Variants in COL4A1 observed in about 807,000 individuals in gnomAD.
The protein encoded by COL4A1 is collagen type IV alpha 1 chain.
A neutral mutation model predicts 216.6 loss-of-function variants in COL4A1; 40 were observed. That is an observed-to-expected ratio of 0.18 (90% CI 0.14 to 0.24). COL4A1 has a LOEUF of 0.24. Among genes scored for constraint, COL4A1 ranks in the 10% least tolerant of loss-of-function variants. COL4A1 has a pLI of 1.00. For missense variants in COL4A1, 1,628 were observed against 2,196.8 expected (o/e 0.74, Z 5.18); for synonymous variants, 839 against 810.7 (o/e 1.03, Z -0.59).
intron 45 of COL4A1, 45 bp from the exon 46 acceptor site, chr13:110,165,035 C>T: frequency 6.3e-7 from 1 of 1,581,652 alleles, no homozygotes; most frequent in Non-Finnish European, 8.6e-7. Flanking sequence ...TGTCCACATA[C>T]TGGGGCGGAA....
intron 2 of COL4A1, among the ~76,000 whole-genome samples, chr13:110,241,209 G>T (rs1881552976): frequency 6.6e-6 from 1 of 152,154 alleles, no homozygotes; most frequent in South Asian, 2.1e-4. Context: ...GATAGAATAA[G>T]AAAGTATGTA....
intron 17 of COL4A1, among the ~76,000 whole-genome samples, chr13:110,204,290 G>A (rs1245308308): frequency 1.3e-5 from 2 of 152,104 alleles, no homozygotes; most frequent in African/African-American, 2.4e-5. Context: ...CAGTAAACAA[G>A]AATTGAATGT....
In COL4A1 at chr13:110,149,984, G is replaced by T. The variant is rs1872841986; in HGVS notation, c.*379C>A. Reference sequence around the variant, plus strand: ...TATAAACAAACATTTATCTCTGGGGGTAGAAAATTAATTATAATACAAGAA... The same window carrying T: ...TATAAACAAACATTTATCTCTGGGGTTAGAAAATTAATTATAATACAAGAA... On this transcript the variant is annotated 3_prime_UTR_variant, in exon 52 of 52. Transcript: ENST00000375820. The T allele has an allele frequency of 3.0e-6, 1 of 334,546 alleles. No homozygotes were observed. The highest frequency in any genetic ancestry group is 5.8e-6 in the Non-Finnish European group (1 of 171,414). The allele number at this position is 334,546 out of a possible 1,614,324, so 20.7% of individuals were successfully genotyped here. A position where few individuals can be genotyped will look rare whatever the true frequency, so the allele number is the denominator to read the frequency against.
At chr13:110,300,514 A>G (rs1884451902) in intron 1 of COL4A1, among the ~76,000 whole-genome samples, 1 of 152,258 alleles carries the variant, frequency 6.6e-6, no homozygotes, top group African/African-American at 2.4e-5. Flanking sequence ...TGTCCAATAC[A>G]GGAATAGTGT....
At chr13:110,245,914 G>T (rs920187302) in intron 1 of COL4A1, among the ~76,000 whole-genome samples, 1 of 151,978 alleles carries the variant, frequency 6.6e-6, no homozygotes, top group Non-Finnish European at 1.5e-5. Flanking sequence ...CCCCGACCCC[G>T]GCCTTCCCCC....
chr13:110,204,549 A>G (rs1021482694), intron 17 of COL4A1, among the ~76,000 whole-genome samples: 8 of 152,084 alleles, frequency 5.3e-5, no homozygotes, highest in African/African-American at 1.9e-4. Flanking sequence ...CTCTTATATT[A>G]GTAAAGACTT....
chr13:110,248,142 T>C (rs1881911768), intron 1 of COL4A1, among the ~76,000 whole-genome samples: 1 of 152,188 alleles, frequency 6.6e-6, no homozygotes. Context: ...ACTTTCCTGG[T>C]GATACTGCCG....
At chr13:110,235,175 C>A (rs964791106) in intron 2 of COL4A1, among the ~76,000 whole-genome samples, 1 of 152,066 alleles carries the variant, frequency 6.6e-6, no homozygotes, top group African/African-American at 2.4e-5. Context: ...AATAACTCAC[C>A]ATTATTAGTT....
chr13:110,242,706 T>C lies in COL4A1; in HGVS notation c.113A>G (p.Lys38Arg), dbSNP rs376515379. ...KGGCAGSGCG[K>R]CDCHGVKGQK... ...TCCCTTCACTCCATGGCAGTCACAT[T>C]TGCCACAGCCAGAGCCAGCACAGCC... The change falls in exon 2 of 52, where the codon AAA (lysine) becomes AGA (arginine). Residue 38 changes from lysine to arginine, a missense_variant. Around this residue, in one of 8 missense-constraint regions of COL4A1, gnomAD observed 74 missense variants for 61.7 expected, o/e 1.20. Coordinates refer to ENST00000375820, the MANE Select transcript of COL4A1 (RefSeq NM_001845.6). 1.2e-6 allele frequency: 2 copies of C among 1,614,252 alleles called. No homozygotes were observed. Among genetic ancestry groups the C allele is most frequent in the South Asian group, 2.2e-5 (2 of 91,090 alleles).
At chr13:110,267,227 A>G (rs1225494092) in intron 1 of COL4A1, among the ~76,000 whole-genome samples, 2 of 152,192 alleles carry the variant, frequency 1.3e-5, no homozygotes, top group Admixed American at 6.5e-5. Context: ...AGGACCTCGC[A>G]CTATCTGGTG....
intron 2 of COL4A1, among the ~76,000 whole-genome samples, chr13:110,230,098 G>A (rs1284582214): frequency 2.0e-5 from 3 of 146,654 alleles, no homozygotes; most frequent in South Asian, 2.2e-4. Flanking sequence ...ACAGGTGGAC[G>A]AGGAGGGCTC....
chr13:110,243,027 A>T (rs956472884), intron 1 of COL4A1, among the ~76,000 whole-genome samples: 1 of 152,226 alleles, frequency 6.6e-6, no homozygotes, highest in Admixed American at 6.5e-5. Context: ...GTTAATTTCT[A>T]TTTGAAGTTG....
chr13:110,204,677 A>C (rs1879407207), intron 17 of COL4A1, among the ~76,000 whole-genome samples: 1 of 145,574 alleles, frequency 6.9e-6, no homozygotes, highest in South Asian at 2.2e-4. Flanking sequence ...TAGTTCCCCA[A>C]CTAAAAGGGC....
chr13:110,270,873 C>A (rs1465423986), intron 1 of COL4A1, among the ~76,000 whole-genome samples: 1 of 152,070 alleles, frequency 6.6e-6, no homozygotes, highest in Non-Finnish European at 1.5e-5. Flanking sequence ...TAGAAGGGTC[C>A]AGAAGTCTTA....
At chr13:110,267,815 C>T (rs1321266881) in intron 1 of COL4A1, among the ~76,000 whole-genome samples, 4 of 152,076 alleles carry the variant, frequency 2.6e-5, no homozygotes, top group African/African-American at 4.8e-5. Context: ...TAATTTAAAA[C>T]ACAGTCCTGT....
At chr13:110,253,358 GTATTACATATACATATAATTATAT>G (rs1882303845) in intron 1 of COL4A1, among the ~76,000 whole-genome samples, 3 of 36,320 alleles carry the variant, frequency 8.3e-5, no homozygotes, top group African/African-American at 1.1e-4. Flanking sequence ...ATAATTATAT[GTATTACATATACATATAATTATAT>G]GTATTACATA....
chr13:110,246,413 T>C (rs9521667), intron 1 of COL4A1, among the ~76,000 whole-genome samples: 21,314 of 55,516 alleles, frequency 0.38, 1,861 homozygotes, highest in Non-Finnish European at 0.54. Flanking sequence ...AAGCTTCAAA[T>C]GGTGAATTAA....
At chr13:110,227,353 A>G (rs766802623) in intron 2 of COL4A1, among the ~76,000 whole-genome samples, 5 of 151,022 alleles carry the variant, frequency 3.3e-5, no homozygotes, top group South Asian at 2.1e-4. Context: ...AGTTACATCA[A>G]TTGGGCGATA....
chr13:110,247,172 T>A (rs927730749), intron 1 of COL4A1, among the ~76,000 whole-genome samples: 12 of 152,148 alleles, frequency 7.9e-5, no homozygotes, highest in African/African-American at 2.9e-4. Context: ...CTCTTCCCCA[T>A]AGACCATGTG....
Sources: gnomAD v4.1 joint callset for allele counts (sites outside exome capture counted in the v4.1 genomes callset) on GRCh38, gnomAD v4.1.1 for gene constraint, gnomAD v4.1.1 regional missense constraint, MANE v1.5 for transcripts, NCBI Gene and HGNC (gene_info 2026-07-23, HGNC 2026-07-21) for gene names.